The following KANSL3 variants were observed in gnomAD, a reference collection of about 807,000 sequenced individuals.
KANSL3 encodes KAT8 regulatory NSL complex subunit 3, also known as NSL complex protein NSL3.
KANSL3 carries 16 observed loss-of-function variants against 89.2 expected under a neutral mutation model. The observed-to-expected ratio is 0.18, with a 90% CI of 0.12 to 0.27. KANSL3 has a LOEUF of 0.27. Among genes scored for constraint, KANSL3 ranks in the 10% least tolerant of loss-of-function variants. The pLI is 1.00. For synonymous variants in KANSL3, 385 were observed against 419.7 expected (o/e 0.92, Z 1.01); for missense variants, 879 against 1,110.6 (o/e 0.79, Z 2.96).
At chr2:96,586,351 A>T in the KANSL3 span, among the ~76,000 whole-genome samples, 1 of 152,170 alleles carries the variant, frequency 6.6e-6, no homozygotes, top group Non-Finnish European at 1.5e-5. Flanking sequence ...AATCTCAGAA[A>T]TCACCACTAA....
At chr2:96,614,173 C>A (rs2069522050) in intron 5 of KANSL3, among the ~76,000 whole-genome samples, 1 of 152,150 alleles carries the variant, frequency 6.6e-6, no homozygotes, top group Non-Finnish European at 1.5e-5. Context: ...CTCACTGCCA[C>A]CTCTGCCTCC....
At chr2:96,610,550 C>T (rs764524539) in intron 11 of KANSL3, 176 bp downstream of exon 11, 15 of 564,406 alleles carry the variant, frequency 2.7e-5, no homozygotes, top group Non-Finnish European at 4.1e-5. Context: ...CTCCTGACCT[C>T]GTGATCCGCC....
At chr2:96,612,791 A>G (rs2105498783) in intron 7 of KANSL3, 27 bp downstream of exon 7, 1 of 1,494,140 alleles carries the variant, frequency 6.7e-7, no homozygotes, top group Non-Finnish European at 9.1e-7. Context: ...CCTGCCAGGA[A>G]GGAGTTCCTC....
At chr2:96,616,682 C>T (rs2070191056) in intron 5 of KANSL3, among the ~76,000 whole-genome samples, 1 of 152,194 alleles carries the variant, frequency 6.6e-6, no homozygotes, top group Admixed American at 6.5e-5. Flanking sequence ...GGAACCACTG[C>T]GGAGAGCACA....
chr2:96,587,204 T>C, the KANSL3 span, among the ~76,000 whole-genome samples: 1 of 152,210 alleles, frequency 6.6e-6, no homozygotes, highest in Admixed American at 6.5e-5. Context: ...CCCACTCTTC[T>C]TGTGCCATTA....
At chr2:96,619,829 T>G in intron 3 of KANSL3, 67 bp from the exon 4 acceptor site, 1 of 1,208,248 alleles carries the variant, frequency 8.3e-7, no homozygotes. Flanking sequence ...GTACACCATA[T>G]AAAGAAGATT....
intron 5 of KANSL3, chr2:96,615,165 C>CAAAAAAAAAAAAAAAAAAAAAAAAAAAA (rs35960339): frequency 1.1e-4 from 9 of 83,010 alleles, no homozygotes; most frequent in African/African-American, 5.6e-4. Context: ...GAGACTGTCT[C>CAAAAAAAAAAAAAAAAAAAAAAAAAAAA]AAAAAAAAAA....
At chr2:96,612,963 C>T in intron 6 of KANSL3, 29 bp from the exon 7 acceptor site, 1 of 1,437,810 alleles carries the variant, frequency 7.0e-7, no homozygotes, top group Non-Finnish European at 9.6e-7. Flanking sequence ...ACCCAAAAAC[C>T]AGTGAGTGAG....
chr2:96,627,240 A>G, intron 3 of KANSL3, among the ~76,000 whole-genome samples: 1 of 151,056 alleles, frequency 6.6e-6, no homozygotes, highest in African/African-American at 2.4e-5. Context: ...TTTGAGACGG[A>G]GTCTTGCTCT....
chr2:96,601,886 C>T (rs1284448343), intron 19 of KANSL3, 110 bp from the exon 20 acceptor site: 1 of 1,436,000 alleles, frequency 7.0e-7, no homozygotes, highest in Non-Finnish European at 9.2e-7. Context: ...CCTTGGCCTC[C>T]TCCCCAGCTG....
At chr2:96,631,204 C>A in intron 3 of KANSL3, 108 bp downstream of exon 3, 1 of 802,780 alleles carries the variant, frequency 1.2e-6, no homozygotes, top group Non-Finnish European at 2.0e-6. Flanking sequence ...GGAGAACACT[C>A]TGACTTGTGT....
In KANSL3 at chr2:96,601,719, G is replaced by A; in HGVS notation, c.2540C>T (p.Thr847Ile). 3.1e-6 allele frequency: 5 copies of A among 1,608,806 alleles called. No individual in the cohort carries two copies. The highest frequency in any genetic ancestry group is 1.1e-5 in the South Asian group (1 of 90,324). ...LTLRGQPSRI[T>I]TLSPMGSGAA... ...TCCTGAGCCCATAGGGCTCAGTGTAGTGATCCTGCTCGGCTGGCCACGAAG... is the reference window on the plus strand; with the variant it reads ...TCCTGAGCCCATAGGGCTCAGTGTAATGATCCTGCTCGGCTGGCCACGAAG... The change falls in exon 20 of 21, where the codon ACT (threonine) becomes ATT (isoleucine). Residue 847 changes from threonine to isoleucine, a missense_variant. Thr to Ile is a moderately conservative substitution (Grantham distance 89). Coordinates refer to ENST00000431828, the MANE Select transcript of KANSL3 (RefSeq NM_001115016.3).
intron 14 of KANSL3, 156 bp from the exon 15 acceptor site, chr2:96,605,667 C>T (rs972156695): frequency 1.9e-5 from 11 of 585,186 alleles, no homozygotes; most frequent in Middle Eastern, 4.4e-4. Context: ...ACTGCCCATG[C>T]TTCAGGACCA....
chr2:96,612,792 G>A, intron 7 of KANSL3, 26 bp downstream of exon 7: 2 of 1,496,196 alleles, frequency 1.3e-6, no homozygotes, highest in Non-Finnish European at 1.8e-6. Context: ...CTGCCAGGAA[G>A]GAGTTCCTCT....
chr2:96,616,183 G>A (rs906469789), intron 5 of KANSL3, among the ~76,000 whole-genome samples: 13 of 152,204 alleles, frequency 8.5e-5, no homozygotes, highest in Non-Finnish European at 1.6e-4. Context: ...GGACCAAACC[G>A]CAAAGGATAA....
the KANSL3 span, among the ~76,000 whole-genome samples, chr2:96,584,983 T>C: frequency 6.6e-6 from 1 of 152,232 alleles, no homozygotes; most frequent in African/African-American, 2.4e-5. Context: ...CATGTTGTGA[T>C]GTCTCACATT....
chr2:96,626,458 A>T (rs935097896), intron 3 of KANSL3, among the ~76,000 whole-genome samples: 4 of 152,228 alleles, frequency 2.6e-5, no homozygotes, highest in Non-Finnish European at 4.4e-5. Flanking sequence ...ACAATATTGA[A>T]TATAAAACTA....
chr2:96,633,685 G>A lies in KANSL3; in HGVS notation c.216-2203C>T, dbSNP rs555657164. ...GTTTGCAACCAGCCTGGGCAACATG[G>A]TGAAACCTCGTCTCTACTAAACACA... On this transcript the variant is annotated intron_variant, in intron 2 of 20. Coordinates refer to ENST00000431828, the MANE Select transcript of KANSL3 (RefSeq NM_001115016.3). 2.0e-5 allele frequency among the ~76,000 whole-genome samples: 3 copies of A among 152,164 alleles called. No homozygotes were observed. The South Asian group carries it at 6.2e-4, about 32-fold the overall frequency.
chr2:96,590,516 T>C (rs569575873), downstream of KANSL3, among the ~76,000 whole-genome samples: 25 of 152,098 alleles, frequency 1.6e-4, no homozygotes, highest in Admixed American at 3.9e-4. Flanking sequence ...TTCAAACTCC[T>C]GAGCTCAAGC....
Sources: allele counts gnomAD v4.1 joint callset (sites outside exome capture counted in the v4.1 genomes callset), GRCh38; gene constraint gnomAD v4.1.1; transcripts MANE v1.5; gene names NCBI Gene and HGNC (gene_info 2026-07-23, HGNC 2026-07-21).